Variants in MPDZ observed in about 807,000 individuals in gnomAD.
The protein encoded by MPDZ is multiple PDZ domain crumbs cell polarity complex component.
In MPDZ, 234 loss-of-function variants were observed where a neutral mutation model predicts 239.1. The observed-to-expected ratio is 0.98, with a 90% CI of 0.88 to 1.09. The LOEUF is 1.09. Ranked by LOEUF, MPDZ falls within the 50% of genes least tolerant of loss-of-function variation. MPDZ has a pLI of 0.00. For missense variants in MPDZ, 3,175 were observed against 2,510.0 expected, an observed-to-expected ratio of 1.26 and a Z score of -5.66; for synonymous variants, 1,048 against 881.3, an observed-to-expected ratio of 1.19 and a Z score of -3.35.
At chr9:13,186,408 C>A in intron 17 of MPDZ, 22 bp from the exon 18 acceptor site, 1 of 1,470,524 alleles carries the variant, frequency 6.8e-7, no homozygotes, top group Non-Finnish European at 9.3e-7. Context: ...AAATGGTATT[C>A]ATGGAAAAGA....
chr9:13,235,236 A>G (rs972116855), intron 3 of MPDZ, among the ~76,000 whole-genome samples: 3 of 152,204 alleles, frequency 2.0e-5, no homozygotes, highest in Non-Finnish European at 4.4e-5. Flanking sequence ...TAATGTGACG[A>G]AACTATTTTG....
intron 21 of MPDZ, among the ~76,000 whole-genome samples, chr9:13,173,199 G>A (rs2134069004): frequency 6.6e-6 from 1 of 152,262 alleles, no homozygotes; most frequent in East Asian, 1.9e-4. Flanking sequence ...GGATGGTGAT[G>A]ATGGCTACAC....
intron 1 of MPDZ, chr9:13,274,495 G>C (rs1487200776): frequency 6.6e-6 from 1 of 150,890 alleles, no homozygotes; most frequent in Admixed American, 6.6e-5. Flanking sequence ...CAGGCCAGAA[G>C]AAAAAAAGTA....
chr9:13,197,885 A>G (rs1587716018), intron 12 of MPDZ, among the ~76,000 whole-genome samples: 2 of 152,076 alleles, frequency 1.3e-5, no homozygotes, highest in Admixed American at 1.3e-4. Context: ...ACTTAACACA[A>G]TGTCCTCCAG....
intron 1 of MPDZ, among the ~76,000 whole-genome samples, chr9:13,272,965 G>A (rs1340071403): frequency 6.6e-6 from 1 of 152,058 alleles, no homozygotes; most frequent in Non-Finnish European, 1.5e-5. Flanking sequence ...TGGTATTAGG[G>A]GGTGGGGTCT....
intron 24 of MPDZ, among the ~76,000 whole-genome samples, chr9:13,155,058 A>G (rs1949656573): frequency 6.6e-6 from 1 of 152,062 alleles, no homozygotes; most frequent in African/African-American, 2.4e-5. Context: ...CTTTACTAAA[A>G]ATACAAAAAT....
In MPDZ at chr9:13,140,299, A is replaced by T. The variant is rs567818535; in HGVS notation, c.3841-150T>A. ...GCTCATATATGTATATAATATATAT[A>T]TAAAATATCTAACAAATAATGGAAA... On this transcript the variant is annotated intron_variant, in intron 27 of 46. Transcript: ENST00000319217. 7.9e-4 allele frequency: 290 copies of T among 368,146 alleles called. 8 individuals are homozygous for T. In the Admixed American group the frequency reaches 0.012, roughly 16 times the overall value. The allele number at this position is 368,146 out of a possible 1,614,324, so 22.8% of individuals were successfully genotyped here.
chr9:13,136,060 T>A, intron 31 of MPDZ, 32 bp downstream of exon 31: 1 of 1,393,656 alleles, frequency 7.2e-7, no homozygotes, highest in Non-Finnish European at 1.0e-6. Flanking sequence ...CAATCAAGTC[T>A]TCCCAGAGAA....
chr9:13,214,033 C>A lies in MPDZ; in HGVS notation c.1290+2741G>T, dbSNP rs555142916. ...AGGGCATTTGGTAACTGGTAAAACACAGAATTATCATAAGATTCAGCAATT... is the reference window on the plus strand; with the variant it reads ...AGGGCATTTGGTAACTGGTAAAACAAAGAATTATCATAAGATTCAGCAATT... On this transcript the variant is annotated intron_variant, in intron 10 of 46. Coordinates refer to ENST00000319217, the MANE Select transcript of MPDZ (RefSeq NM_001378778.1). Among the ~76,000 whole-genome samples the A allele has an allele frequency of 2.1e-4, 32 of 152,038 alleles. 1 individual carries two copies. In the South Asian group the frequency reaches 6.2e-3, roughly 30 times the overall value.
At chr9:13,193,489 CTT>C (rs953700665) in intron 13 of MPDZ, among the ~76,000 whole-genome samples, 176 bp from the exon 14 acceptor site, 1 of 152,134 alleles carries the variant, frequency 6.6e-6, no homozygotes, top group Admixed American at 6.6e-5. Flanking sequence ...GTACTGGTGT[CTT>C]TTGATTTCAT....
At chr9:13,213,225 G>A (rs1001545449) in intron 10 of MPDZ, among the ~76,000 whole-genome samples, 1 of 151,974 alleles carries the variant, frequency 6.6e-6, no homozygotes, top group African/African-American at 2.4e-5. Context: ...TATGAAATGG[G>A]AAAAATGGAG....
intron 32 of MPDZ, 75 bp from the exon 33 acceptor site, chr9:13,126,847 G>T: frequency 8.2e-7 from 1 of 1,225,370 alleles, no homozygotes; most frequent in Non-Finnish European, 1.2e-6. Flanking sequence ...CCAAGGGTAA[G>T]AAAAACAACT....
At chr9:13,130,663 A>G (rs1441869895) in intron 32 of MPDZ, among the ~76,000 whole-genome samples, 1 of 152,252 alleles carries the variant, frequency 6.6e-6, no homozygotes, top group Non-Finnish European at 1.5e-5. Flanking sequence ...TATTGAAGTA[A>G]TATTTCAAAA....
chr9:13,194,731 G>T (rs1334186944), intron 13 of MPDZ, among the ~76,000 whole-genome samples: 1 of 152,004 alleles, frequency 6.6e-6, no homozygotes, highest in Non-Finnish European at 1.5e-5. Context: ...AAAAAGTTCA[G>T]TCTGAGCTCT....
rs140209005 is a variant in MPDZ at position 13,159,398 on chromosome 9, T to C, written c.3360-1288A>G. Among the ~76,000 whole-genome samples, 1,100 of 152,144 alleles carry C rather than the reference T, an allele frequency of 7.2e-3. 4 individuals carry two copies. Among genetic ancestry groups the C allele is most frequent in the Non-Finnish European group, 0.012 (817 of 67,982 alleles). On this transcript the variant is annotated intron_variant, in intron 23 of 46. Transcript: ENST00000319217. The stretch of plus-strand genomic sequence containing the variant: ...CTAGAGTCTAAGTCTGACACTAGGG[T>C]AGGACTGGTGGGAAGAGCTCCAAGA...
intron 3 of MPDZ, among the ~76,000 whole-genome samples, chr9:13,236,239 G>A (rs60390739): frequency 0.037 from 407 of 11,042 alleles, 18 homozygotes; most frequent in South Asian, 0.093. Context: ...ATGTATATGT[G>A]TGTGTGTGTG....
intron 39 of MPDZ, 69 bp from the exon 40 acceptor site, chr9:13,115,403 A>T: frequency 7.7e-7 from 1 of 1,299,058 alleles, no homozygotes. Flanking sequence ...CTTTAGGAAT[A>T]CATTTTACTC....
In MPDZ at chr9:13,121,767, C is replaced by A; in HGVS notation, c.5203G>T (p.Gly1735Cys). ...TIELQKKPGK[G>C]LGLSIVGKRN... ...TTACCAACAATACTTAATCCTAGGCCTTTTCCCGGCTTCTTCTGCAGCTCA... is the reference window on the plus strand; with the variant it reads ...TTACCAACAATACTTAATCCTAGGCATTTTCCCGGCTTCTTCTGCAGCTCA... The change falls in exon 38 of 47, where the codon GGC (glycine) becomes TGC (cysteine). Residue 1735 changes from glycine (G) to cysteine (C), a missense_variant. By Grantham distance (159) the Gly-to-Cys change is radical (BLOSUM62 -3). Transcript: ENST00000319217. 3 of 1,613,982 alleles carry A rather than the reference C, an allele frequency of 1.9e-6. No homozygotes were observed. In the South Asian group the frequency reaches 3.3e-5, roughly 18 times the overall value.
intron 1 of MPDZ, among the ~76,000 whole-genome samples, chr9:13,251,128 C>CAAAAAAAAAAAAAAAAAAAAAAAA (rs150252589): frequency 2.7e-5 from 1 of 36,442 alleles, no homozygotes; most frequent in African/African-American, 1.2e-4. Context: ...GACTCCATCT[C>CAAAAAAAAAAAAAAAAAAAAAAAA]AAAAAAAAAA....
Sources: gnomAD v4.1 joint callset for allele counts (sites outside exome capture counted in the v4.1 genomes callset) on GRCh38, gnomAD v4.1.1 for gene constraint, MANE v1.5 for transcripts, NCBI Gene and HGNC (gene_info 2026-07-23, HGNC 2026-07-21) for gene names.